OPCML: variants seen among roughly 807,000 people sequenced by gnomAD.
OPCML encodes opioid binding protein/cell adhesion molecule like, also known as opioid-binding protein/cell adhesion molecule.
OPCML carries 13 observed loss-of-function variants against 37.8 expected under a neutral mutation model. That is an observed-to-expected ratio of 0.34 (90% confidence interval 0.22 to 0.55). The LOEUF (loss-of-function observed/expected upper bound fraction) is 0.55, where lower values mean the gene tolerates loss of function less well. Among genes scored for constraint, OPCML ranks in the 20% least tolerant of loss-of-function variants. The pLI is 0.91. For missense variants in OPCML, 341 were observed against 435.6 expected (o/e 0.78, Z 1.93); for synonymous variants, 176 against 168.8 (o/e 1.04, Z -0.33).
At chr11:133,480,417 T>A (rs1947349123) in intron 1 of OPCML, among the ~76,000 whole-genome samples, 1 of 152,226 alleles carries the variant, frequency 6.6e-6, no homozygotes, top group Non-Finnish European at 1.5e-5. Flanking sequence ...CTGCTTTTTC[T>A]GAGTTCAGTG....
chr11:132,608,078 G>A (rs1940146), intron 3 of OPCML, among the ~76,000 whole-genome samples: 12,058 of 152,122 alleles, frequency 0.079, 919 homozygotes, highest in African/African-American at 0.18. Flanking sequence ...TGATCTTTAC[G>A]AATTATATAA....
chr11:132,707,268 A>G (rs778221945), intron 2 of OPCML, among the ~76,000 whole-genome samples: 8 of 152,210 alleles, frequency 5.3e-5, no homozygotes, highest in Non-Finnish European at 1.2e-4. Flanking sequence ...CCAAGGCCCA[A>G]TAGAATGCCA....
At chr11:132,671,513 C>A (rs1319928550) in intron 2 of OPCML, among the ~76,000 whole-genome samples, 1 of 152,154 alleles carries the variant, frequency 6.6e-6, no homozygotes, top group African/African-American at 2.4e-5. Flanking sequence ...AGAGGGTATT[C>A]TTAGCTGCTG....
intron 1 of OPCML, among the ~76,000 whole-genome samples, chr11:133,111,729 C>T (rs2137093760): frequency 6.6e-6 from 1 of 152,208 alleles, no homozygotes. Flanking sequence ...AAAGTTGGTG[C>T]CAGGAAGGGT....
intron 2 of OPCML, among the ~76,000 whole-genome samples, chr11:132,848,404 C>G (rs971191199): frequency 2.6e-5 from 4 of 152,198 alleles, no homozygotes; most frequent in African/African-American, 9.6e-5. Context: ...GGAAAATAGT[C>G]AAGTCAACCT....
chr11:133,094,192 G>A (rs1337037775), intron 1 of OPCML, among the ~76,000 whole-genome samples: 1 of 152,116 alleles, frequency 6.6e-6, no homozygotes, highest in Non-Finnish European at 1.5e-5. Flanking sequence ...TGCCTTTGAG[G>A]TTTGCAGATC....
At chr11:132,577,564 C>T (rs1437731339) in intron 3 of OPCML, among the ~76,000 whole-genome samples, 1 of 152,012 alleles carries the variant, frequency 6.6e-6, no homozygotes, top group Non-Finnish European at 1.5e-5. Context: ...CAATGAATAC[C>T]CTACCGAAAG....
chr11:132,786,218 T>C (rs747534232), intron 2 of OPCML, among the ~76,000 whole-genome samples: 6 of 152,210 alleles, frequency 3.9e-5, no homozygotes, highest in Non-Finnish European at 7.3e-5. Context: ...AAAATTGTCA[T>C]TAATGAAAGT....
At chr11:133,408,078 A>G (rs930525375) in intron 1 of OPCML, among the ~76,000 whole-genome samples, 2 of 152,222 alleles carry the variant, frequency 1.3e-5, no homozygotes, top group Non-Finnish European at 2.9e-5. Context: ...GAAACGATGT[A>G]TAACAAAACC....
chr11:132,864,149 G>A lies in OPCML; in HGVS notation c.146+78777C>T, dbSNP rs1591720564. 3.3e-5 allele frequency among the ~76,000 whole-genome samples: 5 copies of A among 152,068 alleles called. No homozygotes were observed. In the South Asian group the frequency reaches 8.3e-4, roughly 25 times the overall value. On this transcript the variant is annotated intron_variant, in intron 2 of 7. Coordinates refer to ENST00000524381, the MANE Select transcript of OPCML (RefSeq NM_001012393.5). ...GACGGGGTTTCACCATGTTGGCCAG[G>A]CTGGTCTTGAACTCCTGACCTCGGG... is the stretch of plus-strand genomic sequence containing the variant.
At chr11:132,509,700 A>T (rs1470459151) in intron 4 of OPCML, among the ~76,000 whole-genome samples, 1 of 152,242 alleles carries the variant, frequency 6.6e-6, no homozygotes, top group Non-Finnish European at 1.5e-5. Context: ...CACAGAAGTC[A>T]AGAATTAAGG....
At position 133,318,637 on chromosome 11, in the gene OPCML, A is replaced by C. The variant is rs185941946; in HGVS notation, c.61+213627T>G. Among the ~76,000 whole-genome samples, 12 of 152,248 alleles carry C rather than the reference A, an allele frequency of 7.9e-5. No homozygotes were observed. In the East Asian group the frequency reaches 2.3e-3, roughly 29 times the overall value. ...ATCTGTTTTTACCCCATTAACTACT[A>C]TCCAGCTATGGTTTTTCTTTGACGA... On this transcript the variant is annotated intron_variant, in intron 1 of 7. Coordinates refer to ENST00000524381, the MANE Select transcript of OPCML (RefSeq NM_001012393.5).
At chr11:132,772,348 TGCTG>T (rs1946668899) in intron 2 of OPCML, 1 of 152,206 alleles carries the variant, frequency 6.6e-6, no homozygotes, top group Non-Finnish European at 1.5e-5. Context: ...CCCGTGCACA[TGCTG>T]GCGACGAATA....
intron 1 of OPCML, among the ~76,000 whole-genome samples, chr11:133,083,022 C>T (rs1472075730): frequency 1.5e-4 from 23 of 151,002 alleles, no homozygotes; most frequent in Non-Finnish European, 4.4e-5. Context: ...GCGGCGGACG[C>T]CCCAGCCGAG....
intron 2 of OPCML, among the ~76,000 whole-genome samples, chr11:132,682,332 T>G (rs565406517): frequency 2.0e-5 from 3 of 152,286 alleles, no homozygotes; most frequent in African/African-American, 7.2e-5. Flanking sequence ...CACAAGAATT[T>G]ATGTTTCTTA....
intron 1 of OPCML, among the ~76,000 whole-genome samples, chr11:133,290,858 G>A (rs1056661044): frequency 7.9e-5 from 12 of 152,176 alleles, no homozygotes; most frequent in African/African-American, 2.9e-4. Flanking sequence ...GCCCTGTGAG[G>A]CCACAGCAAT....
At chr11:133,124,331 T>G (rs1026790820) in intron 1 of OPCML, among the ~76,000 whole-genome samples, 21 of 152,144 alleles carry the variant, frequency 1.4e-4, no homozygotes, top group African/African-American at 5.1e-4. Context: ...TCTCAGCAAA[T>G]TCATTAGGAT....
At chr11:132,841,621 C>T (rs1941290598) in intron 2 of OPCML, among the ~76,000 whole-genome samples, 1 of 152,040 alleles carries the variant, frequency 6.6e-6, no homozygotes, top group Non-Finnish European at 1.5e-5. Flanking sequence ...TGGTGGCTCA[C>T]ACCTGTAATC....
intron 2 of OPCML, among the ~76,000 whole-genome samples, chr11:132,697,782 G>C (rs1057049748): frequency 6.6e-6 from 1 of 151,226 alleles, no homozygotes; most frequent in African/African-American, 2.4e-5. Context: ...TTTTTTTCTT[G>C]AGACAAGGCC....
Sources: allele counts gnomAD v4.1 joint callset (sites outside exome capture counted in the v4.1 genomes callset), GRCh38; gene constraint gnomAD v4.1.1; transcripts MANE v1.5; gene names NCBI Gene and HGNC (gene_info 2026-07-23, HGNC 2026-07-21).